The following CADPS2 variants were observed in gnomAD, a reference collection of about 807,000 sequenced individuals.
CADPS2 encodes calcium-dependent secretion activator 2.
A neutral mutation model predicts 172.5 loss-of-function variants in CADPS2; 93 were observed. The ratio of observed to expected loss-of-function variants is 0.54; its 90% CI spans 0.46 to 0.64. The LOEUF is 0.64. Among genes scored for constraint, CADPS2 ranks in the 30% least tolerant of loss-of-function variants. CADPS2 has a pLI of 0.00. For synonymous variants in CADPS2, 546 were observed against 555.2 expected (o/e 0.98, Z 0.23); for missense variants, 1,420 against 1,565.9 (o/e 0.91, Z 1.57).
chr7:122,822,111 T>C lies in CADPS2; in HGVS notation c.339+63888A>G, dbSNP rs372734597. ...AGCCATCACAGCTGATATCTCCTGG[T>C]GCTATCCCCAAACTGCCACTCTTAA... On this transcript the variant is annotated intron_variant, in intron 1 of 29. Transcript: ENST00000449022. Among the ~76,000 whole-genome samples, 57 of 151,812 alleles carry C rather than the reference T, an allele frequency of 3.8e-4. 1 individual carries two copies. In the East Asian group the frequency reaches 9.5e-3, roughly 25 times the overall value.
intron 2 of CADPS2, among the ~76,000 whole-genome samples, chr7:122,713,511 T>C (rs1200134063): frequency 6.6e-6 from 1 of 152,084 alleles, no homozygotes; most frequent in Admixed American, 6.6e-5. Flanking sequence ...CCAGCACCCA[T>C]CATATTTAAA....
At chr7:122,444,422 C>T (rs1054157198) in intron 15 of CADPS2, among the ~76,000 whole-genome samples, 8 of 152,044 alleles carry the variant, frequency 5.3e-5, no homozygotes, top group Non-Finnish European at 8.8e-5. Flanking sequence ...ATATTCCTAC[C>T]AACAGCATAT....
At chr7:122,848,208 G>C (rs1812554770) in intron 1 of CADPS2, among the ~76,000 whole-genome samples, 1 of 152,148 alleles carries the variant, frequency 6.6e-6, no homozygotes, top group African/African-American at 2.4e-5. Context: ...CTCAAGCCTA[G>C]CAACCAGCAT....
At chr7:122,671,807 AGAG>A (rs546956014) in intron 2 of CADPS2, among the ~76,000 whole-genome samples, 253 of 152,324 alleles carry the variant, frequency 1.7e-3, no homozygotes, top group African/African-American at 5.8e-3. Flanking sequence ...AGTATTTAGC[AGAG>A]GAGTAGTGAG....
intron 1 of CADPS2, among the ~76,000 whole-genome samples, chr7:122,847,349 A>G (rs1036434839): frequency 6.6e-6 from 1 of 152,296 alleles, no homozygotes; most frequent in Admixed American, 6.5e-5. Context: ...CGCCTCCCAG[A>G]GTGCTAGGAT....
At position 122,663,448 on chromosome 7, in the gene CADPS2, T is replaced by C; in HGVS notation, c.575A>G (p.Asp192Gly). The change falls in exon 3 of 30, where the codon GAT becomes GGT. Residue 192 changes from aspartate to glycine, a missense_variant. Asp to Gly is a moderately conservative substitution (Grantham distance 94, BLOSUM62 -1). Transcript: ENST00000449022. The stretch of plus-strand genomic sequence containing the variant: ...CAACACTGTCTCTTTGCTCAAGCCA[T>C]CTATTTCTGGCAAACTCCGCACACG... ...EKRVRSLPEI[D>G]GLSKETVLSS... 2 of 1,613,992 alleles carry C rather than the reference T, an allele frequency of 1.2e-6. No individual in the cohort carries two copies. Among genetic ancestry groups the C allele is most frequent in the Non-Finnish European group, 1.7e-6 (2 of 1,179,886 alleles).
chr7:122,547,651 AG>A (rs2063762889), intron 8 of CADPS2, among the ~76,000 whole-genome samples: 1 of 152,212 alleles, frequency 6.6e-6, no homozygotes, highest in East Asian at 1.9e-4. Context: ...GCTAATCAAT[AG>A]CAAATTACAC....
intron 28 of CADPS2, among the ~76,000 whole-genome samples, chr7:122,336,269 A>G (rs1473635502): frequency 6.6e-6 from 1 of 152,208 alleles, no homozygotes; most frequent in African/African-American, 2.4e-5. Flanking sequence ...ACCTTGCAGA[A>G]GGCGTGATTC....
chr7:122,601,078 G>A (rs2072691176), intron 6 of CADPS2, among the ~76,000 whole-genome samples: 1 of 151,950 alleles, frequency 6.6e-6, no homozygotes, highest in South Asian at 2.1e-4. Context: ...CATAAATATT[G>A]TATCACTTTT....
chr7:122,559,489 G>T (rs2065447982), intron 7 of CADPS2, among the ~76,000 whole-genome samples: 1 of 152,072 alleles, frequency 6.6e-6, no homozygotes, highest in East Asian at 1.9e-4. Context: ...AAGAAGAGAG[G>T]GCCAGGTGCG....
At chr7:122,438,249 G>T in intron 17 of CADPS2, 92 bp downstream of exon 17, 1 of 1,492,700 alleles carries the variant, frequency 6.7e-7, no homozygotes, top group Non-Finnish European at 9.3e-7. Flanking sequence ...GCACAGGATT[G>T]TTCAGGAAAG....
At chr7:122,744,838 A>C (rs1287889869) in intron 1 of CADPS2, among the ~76,000 whole-genome samples, 2 of 152,100 alleles carry the variant, frequency 1.3e-5, no homozygotes, top group East Asian at 3.9e-4. Flanking sequence ...GCAAAATTAC[A>C]TGTCATCATG....
intron 13 of CADPS2, among the ~76,000 whole-genome samples, chr7:122,473,299 C>A (rs1412204260): frequency 6.6e-6 from 1 of 152,140 alleles, no homozygotes; most frequent in African/African-American, 2.4e-5. Context: ...ACGTCACTTT[C>A]CTTTTTCTGT....
At chr7:122,653,525 G>A (rs2079405571) in intron 3 of CADPS2, among the ~76,000 whole-genome samples, 1 of 152,016 alleles carries the variant, frequency 6.6e-6, no homozygotes, top group Admixed American at 6.6e-5. Context: ...ACCTTTGTTG[G>A]AATATAACAA....
chr7:122,737,317 C>T (rs986930065), intron 1 of CADPS2, among the ~76,000 whole-genome samples: 7 of 152,158 alleles, frequency 4.6e-5, no homozygotes, highest in South Asian at 2.1e-4. Flanking sequence ...CTCCACCTCC[C>T]GGGTTCAAGC....
intron 4 of CADPS2, among the ~76,000 whole-genome samples, chr7:122,623,643 T>A (rs1042757931): frequency 2.0e-5 from 3 of 152,216 alleles, no homozygotes; most frequent in African/African-American, 7.2e-5. Flanking sequence ...CCCATTAATC[T>A]TACCTTAGTA....
intron 8 of CADPS2, among the ~76,000 whole-genome samples, chr7:122,553,410 A>G (rs1453829407): frequency 6.6e-6 from 1 of 152,156 alleles, no homozygotes; most frequent in Non-Finnish European, 1.5e-5. Flanking sequence ...TTGACTTTAC[A>G]TTACTACATT....
chr7:122,686,320 T>C (rs996813489), intron 2 of CADPS2, among the ~76,000 whole-genome samples: 31 of 152,204 alleles, frequency 2.0e-4, no homozygotes, highest in African/African-American at 6.0e-4. Flanking sequence ...AGAAACCTAT[T>C]GTACATGTGA....
At chr7:122,829,642 T>C (rs1805910239) in intron 1 of CADPS2, among the ~76,000 whole-genome samples, 1 of 152,214 alleles carries the variant, frequency 6.6e-6, no homozygotes, top group Non-Finnish European at 1.5e-5. Context: ...TACTTCACTT[T>C]TAACTTCCAG....
Sources: allele counts gnomAD v4.1 joint callset (sites outside exome capture counted in the v4.1 genomes callset), GRCh38; gene constraint gnomAD v4.1.1; transcripts MANE v1.5; gene names NCBI Gene and HGNC (gene_info 2026-07-23, HGNC 2026-07-21).